BEND7: variants seen among roughly 807,000 people sequenced by gnomAD.
BEND7 encodes BEN domain-containing protein 7.
In BEND7, 28 loss-of-function variants were observed where a neutral mutation model predicts 50.9. That is an observed-to-expected ratio of 0.55 (90% confidence interval 0.41 to 0.75). The LOEUF is 0.75. Among genes scored for constraint, BEND7 ranks in the 30% least tolerant of loss-of-function variants. BEND7 has a pLI of 0.00. For missense variants in BEND7, 477 were observed against 491.3 expected, an observed-to-expected ratio of 0.97 and a Z score of 0.28; for synonymous variants, 170 against 183.9, an observed-to-expected ratio of 0.92 and a Z score of 0.61.
chr10:13,466,907 C>G (rs1176236379), intron 6 of BEND7, among the ~76,000 whole-genome samples: 1 of 152,166 alleles, frequency 6.6e-6, no homozygotes, highest in Non-Finnish European at 1.5e-5. Flanking sequence ...GCCTCCAGTG[C>G]CAGGGTAAAT....
rs77839059 is a variant in BEND7 at position 13,452,691 on chromosome 10, T to G, written c.1064-33A>C. On this transcript the variant is annotated intron_variant, in intron 6 of 8. Transcript: ENST00000466271. ...AAAATGTAAAATATTGTTAAATACC[T>G]TAACAAGTAAAATATGCAGATCTGA... 2,785 of 1,532,398 alleles carry G rather than the reference T, an allele frequency of 1.8e-3. 37 individuals are homozygous for G. The African/African-American group carries it at 0.035, about 19-fold the overall frequency. 94.9% of individuals were successfully genotyped at this position (1,532,398 alleles called of 1,614,324 possible).
At chr10:13,461,561 C>T (rs530897162) in intron 6 of BEND7, among the ~76,000 whole-genome samples, 33 of 152,248 alleles carry the variant, frequency 2.2e-4, no homozygotes, top group Middle Eastern at 3.4e-3. Flanking sequence ...GGCCAAACTC[C>T]GTCTCTACCA....
At chr10:13,506,246 G>C (rs192928311) in intron 2 of BEND7, among the ~76,000 whole-genome samples, 1 of 152,134 alleles carries the variant, frequency 6.6e-6, no homozygotes, top group Non-Finnish European at 1.5e-5. Flanking sequence ...AGCTAGACCC[G>C]CCTCTTCCCT....
chr10:13,500,469 A>G (rs2077360040), intron 2 of BEND7: 2 of 987,848 alleles, frequency 2.0e-6, no homozygotes, highest in Admixed American at 5.3e-5. Flanking sequence ...GGCCACAGCC[A>G]CCCGTGAGGA....
chr10:13,473,364 C>T (rs1470030718), intron 6 of BEND7, among the ~76,000 whole-genome samples: 12 of 151,368 alleles, frequency 7.9e-5, no homozygotes, highest in African/African-American at 2.2e-4. Context: ...GGGCCGATAT[C>T]GTCATCGCTG....
Position 13,441,708 on chromosome 10 carries a change from C to CA in BEND7, c.*34dup. Reference sequence around the variant, plus strand: ...AGGACGGATTTTAAAACCCATGGTGCAAAAAACACAAGAGCTGTGGTTTGC... The same window carrying CA: ...AGGACGGATTTTAAAACCCATGGTGCAAAAAAACACAAGAGCTGTGGTTTGC... On this transcript the variant is annotated 3_prime_UTR_variant, in exon 9 of 9. Coordinates refer to ENST00000466271, the MANE Select transcript of BEND7 (RefSeq NM_001369863.1). The CA allele has an allele frequency of 6.2e-7, 1 of 1,612,796 alleles. No individual in the cohort carries two copies. The highest frequency in any genetic ancestry group is 8.5e-7 in the Non-Finnish European group (1 of 1,179,550).
At chr10:13,500,967 C>CT (rs1276708517) in intron 2 of BEND7, 25 of 383,848 alleles carry the variant, frequency 6.5e-5, no homozygotes, top group Non-Finnish European at 8.6e-5. Context: ...ACACTGACTT[C>CT]TTTTTTTAAG....
At position 13,526,234 on chromosome 10, in the gene BEND7, A is replaced by G. The variant is rs1212351215; in HGVS notation, c.62-13T>C. The G allele has an allele frequency of 7.9e-7, 1 of 1,273,468 alleles. No individual in the cohort carries two copies. The highest frequency in any genetic ancestry group is 5.6e-5 in the East Asian group (1 of 17,948). The allele number at this position is 1,273,468 out of a possible 1,614,324, so 78.9% of individuals were successfully genotyped here. A position where few individuals can be genotyped will look rare whatever the true frequency, so the allele number is the denominator to read the frequency against. ...TCGTGGTGATAATCTGGCATGAGAA[A>G]ACAACCAAAAATTAGAATCCTAAGG... On this transcript the variant is annotated splice_polypyrimidine_tract_variant and intron_variant, in intron 1 of 8. Transcript: ENST00000466271.
chr10:13,441,143 G>A lies in BEND7; in HGVS notation c.*600C>T. 1.0e-6 allele frequency: 1 copy of A among 984,894 alleles called. No individual in the cohort carries two copies. The highest frequency in any genetic ancestry group is 1.2e-6 in the Non-Finnish European group (1 of 829,520). 61.0% of individuals were successfully genotyped at this position (984,894 alleles called of 1,614,324 possible). A position where few individuals can be genotyped will look rare whatever the true frequency, so the allele number is the denominator to read the frequency against. ...AGATCAGACATAAAGAGCATCTTGG[G>A]AATTGATACCACAACACAATGTTAT... On this transcript the variant is annotated 3_prime_UTR_variant, in exon 9 of 9. Coordinates refer to ENST00000466271, the MANE Select transcript of BEND7 (RefSeq NM_001369863.1).
intron 4 of BEND7, among the ~76,000 whole-genome samples, chr10:13,493,506 C>G (rs947399733): frequency 1.3e-5 from 2 of 152,208 alleles, no homozygotes; most frequent in African/African-American, 4.8e-5. Flanking sequence ...ACCTCCAGAG[C>G]ACCCTGCTAC....
Position 13,489,557 on chromosome 10 carries a change from C to CTAT in BEND7, c.837+3051_837+3053dup, listed in dbSNP as rs749426377. Among the ~76,000 whole-genome samples, 424 of 151,900 alleles carry CTAT rather than the reference C, an allele frequency of 2.8e-3. 2 individuals are homozygous for CTAT. Among genetic ancestry groups the CTAT allele is most frequent in the Non-Finnish European group, 3.5e-3 (240 of 67,948 alleles). On this transcript the variant is annotated intron_variant, in intron 5 of 8. Transcript: ENST00000466271. ...CAAAGATGGCGCATGAATACTATTA[C>CTAT]TATTATTATTATTATTATTAATCAC...
rs149582098 is a variant in BEND7, at chr10:13,520,924, C to T, written c.145+5214G>A. ...GTGCACATAAATTGAAAGAAGCCAT[C>T]GGTATTTAAGTTCCCTCAAGAGGCT... On this transcript the variant is annotated intron_variant, in intron 2 of 8. Transcript: ENST00000466271. Among the ~76,000 whole-genome samples the T allele has an allele frequency of 3.0e-4, 46 of 152,330 alleles. No homozygotes were observed. In the East Asian group the frequency reaches 3.7e-3, roughly 12 times the overall value.
At chr10:13,481,824 T>C (rs1343769030) in intron 5 of BEND7, among the ~76,000 whole-genome samples, 1 of 152,252 alleles carries the variant, frequency 6.6e-6, no homozygotes, top group Non-Finnish European at 1.5e-5. Context: ...AGCACACTGC[T>C]TCCCTGGCAG....
At chr10:13,515,848 C>T (rs955018701) in intron 2 of BEND7, among the ~76,000 whole-genome samples, 2 of 152,216 alleles carry the variant, frequency 1.3e-5, no homozygotes, top group African/African-American at 4.8e-5. Context: ...CTGCCAAGGA[C>T]CATGCTGTAG....
intron 2 of BEND7, among the ~76,000 whole-genome samples, chr10:13,503,232 G>T (rs546716532): frequency 1.3e-5 from 2 of 152,184 alleles, no homozygotes; most frequent in Non-Finnish European, 2.9e-5. Flanking sequence ...TGCGCCTGCC[G>T]TGTGCAGAAA....
At chr10:13,457,514 C>A (rs1010758685) in intron 6 of BEND7, among the ~76,000 whole-genome samples, 4 of 152,202 alleles carry the variant, frequency 2.6e-5, no homozygotes, top group African/African-American at 7.2e-5. Context: ...AACACCTATA[C>A]AAATAAGTAC....
At chr10:13,439,526 T>C, downstream of BEND7, 1 of 1,563,468 alleles carries the variant, frequency 6.4e-7, no homozygotes, top group South Asian at 1.2e-5. Context: ...AGTGAATGAA[T>C]GAATGAATGG....
At chr10:13,507,755 G>A (rs2077999825) in intron 2 of BEND7, among the ~76,000 whole-genome samples, 1 of 152,192 alleles carries the variant, frequency 6.6e-6, no homozygotes, top group Admixed American at 6.5e-5. Context: ...TGCAGGAGAG[G>A]TGACAATGAG....
chr10:13,492,032 G>A (rs1479066493), intron 5 of BEND7, among the ~76,000 whole-genome samples: 4 of 151,504 alleles, frequency 2.6e-5, no homozygotes, highest in Admixed American at 6.6e-5. Context: ...TGGTTATCTC[G>A]GATGTCATCC....
Sources: gnomAD v4.1 joint callset for allele counts (sites outside exome capture counted in the v4.1 genomes callset) on GRCh38, gnomAD v4.1.1 for gene constraint, MANE v1.5 for transcripts, NCBI Gene and HGNC (gene_info 2026-07-23, HGNC 2026-07-21) for gene names.